RBM44: variants seen among roughly 807,000 people sequenced by gnomAD.
The protein encoded by RBM44 is RNA-binding protein 44.
In RBM44, 66 loss-of-function variants were observed where a neutral mutation model predicts 105.1. The ratio of observed to expected loss-of-function variants is 0.63; its 90% CI spans 0.52 to 0.77. The LOEUF is 0.77. Ranked by LOEUF, RBM44 falls within the 30% of genes least tolerant of loss-of-function variation. RBM44 has a pLI of 0.00. For synonymous variants in RBM44, 365 were observed against 417.6 expected, an observed-to-expected ratio of 0.87 and a Z score of 1.54; for missense variants, 1,122 against 1,207.8, an observed-to-expected ratio of 0.93 and a Z score of 1.05.
intron 2 of RBM44, 123 bp downstream of exon 2, chr2:237,813,805 CA>C: frequency 1.6e-6 from 1 of 629,906 alleles, no homozygotes; most frequent in South Asian, 2.0e-5. Context: ...TGGTAAGACT[CA>C]GTATATTTTT....
At chr2:237,815,078 G>A (rs891579339) in intron 2 of RBM44, among the ~76,000 whole-genome samples, 3 of 152,142 alleles carry the variant, frequency 2.0e-5, no homozygotes, top group African/African-American at 7.2e-5. Context: ...AGCTACTTGG[G>A]TGGCTGAGGC....
chr2:237,822,904 A>C (rs941329569), intron 8 of RBM44, among the ~76,000 whole-genome samples: 1 of 151,976 alleles, frequency 6.6e-6, no homozygotes, highest in Non-Finnish European at 1.5e-5. Context: ...TCAGCTACTC[A>C]TGTACCATCT....
At chr2:237,835,931 G>A (rs1350839776) in intron 15 of RBM44, among the ~76,000 whole-genome samples, 2 of 152,110 alleles carry the variant, frequency 1.3e-5, no homozygotes, top group African/African-American at 2.4e-5. Context: ...TAACAAAAGT[G>A]CAATGTGAAG....
intron 13 of RBM44, among the ~76,000 whole-genome samples, chr2:237,831,757 CTT>C (rs1224615517): frequency 6.6e-6 from 1 of 152,240 alleles, no homozygotes; most frequent in Non-Finnish European, 1.5e-5. Flanking sequence ...CTGCCTTCCT[CTT>C]TACTACTTTA....
intron 15 of RBM44, among the ~76,000 whole-genome samples, chr2:237,840,187 C>CAAAAAA (rs34666443): frequency 9.2e-5 from 6 of 64,890 alleles, no homozygotes; most frequent in East Asian, 4.8e-4. Flanking sequence ...GACTCTATCT[C>CAAAAAA]AAAAAAAAAA....
Position 237,817,762 on chromosome 2 carries a change from T to A in RBM44, c.843T>A (p.Tyr281Ter). The change falls in exon 3 of 16, where the codon TAT (tyrosine) becomes TAA (stop). Residue 281 changes from tyrosine (Y) to a stop codon, truncating the protein, a stop_gained. Coordinates refer to ENST00000316997, the MANE Select transcript of RBM44 (RefSeq NM_001080504.3). LOFTEE classifies it high-confidence loss of function. Reference protein sequence around the residue: ...REYHDLKHEKYKEQETNSMYH... With the variant: ...REYHDLKHEK ...ATCATGACCTAAAGCATGAAAAGTA[T>A]AAGGAACAAGAGACTAATTCAATGT... The A allele has an allele frequency of 6.2e-7, 1 of 1,611,886 alleles. No individual in the cohort carries two copies. Among genetic ancestry groups the A allele is most frequent in the Non-Finnish European group, 8.5e-7 (1 of 1,178,912 alleles).
chr2:237,829,337 T>C lies in RBM44; in HGVS notation c.2721T>C (p.Tyr907=), dbSNP rs750061411. 6.2e-7 allele frequency: 1 copy of C among 1,613,548 alleles called. No homozygotes were observed. The change falls in exon 13 of 16, where the codon TAT becomes TAC. Residue 907 remains tyrosine (Y), a synonymous_variant. Transcript: ENST00000316997. The part of the protein sequence containing the change: ...NVWPVKILGE[Y]TSPLSSKNGN... The stretch of plus-strand genomic sequence containing the variant: ...GGCCTGTTAAAATTCTTGGAGAATA[T>C]ACATCACCACTTTCCTCCAAAAATG...
At position 237,841,269 on chromosome 2, in the gene RBM44, A is replaced by G. The variant is rs1418671652; in HGVS notation, c.*23-570A>G. On this transcript the variant is annotated intron_variant, in intron 15 of 15. Coordinates refer to ENST00000316997, the MANE Select transcript of RBM44 (RefSeq NM_001080504.3). The surrounding 1 kb of genome is among the most constrained non-coding windows in gnomAD (Gnocchi z 4.5). The stretch of plus-strand genomic sequence containing the variant: ...AGAATGAGATGATGTGCTTTGCAGC[A>G]GTATGGATGGAGCTAGAGGCCGTTA... 6.6e-6 allele frequency among the ~76,000 whole-genome samples: 1 copy of G among 152,254 alleles called. No homozygotes were observed. Among genetic ancestry groups the G allele is most frequent in the East Asian group, 1.9e-4 (1 of 5,200 alleles).
At chr2:237,806,029 A>G (rs1341938457) in intron 1 of RBM44, among the ~76,000 whole-genome samples, 1 of 152,166 alleles carries the variant, frequency 6.6e-6, no homozygotes, top group East Asian at 1.9e-4. Context: ...CATAAACTAT[A>G]AAAATCTTAG....
Position 237,813,661 on chromosome 2 carries a change from A to G in RBM44, c.52A>G (p.Asn18Asp). ...ETASGKGYHS[N>D]GGNLQKDKPS... is the part of the protein sequence containing the mutation. ...AGCATCTGGTAAAGGCTACCACAGT[A>G]ATGGAGGCAACCTCCAAAAAGGTAA... The change falls in exon 2 of 16, where the codon AAT (asparagine) becomes GAT (aspartate). Residue 18 changes from asparagine to aspartate, a missense_variant. Around this residue, in one of 3 missense-constraint regions of RBM44, gnomAD observed 918 missense variants for 955.3 expected, o/e 0.96. Transcript: ENST00000316997. 7 of 1,610,230 alleles carry G rather than the reference A, an allele frequency of 4.3e-6. No homozygotes were observed. The highest frequency in any genetic ancestry group is 5.9e-6 in the Non-Finnish European group (7 of 1,176,630).
chr2:237,818,267 T>C lies in RBM44; in HGVS notation c.1348T>C (p.Cys450Arg). 6.2e-7 allele frequency: 1 copy of C among 1,613,196 alleles called. No individual in the cohort carries two copies. The highest frequency in any genetic ancestry group is 8.5e-7 in the Non-Finnish European group (1 of 1,179,434). Residue 450 changes from cysteine to arginine, a missense_variant, in exon 3 of 16, where the codon TGT (cysteine) becomes CGT (arginine). Physicochemically the swap from Cys to Arg is radical, Grantham distance 180. Transcript: ENST00000316997. The surrounding 1 kb of genome is among the most constrained non-coding windows in gnomAD (Gnocchi z 4.6). Reference protein sequence around the residue: ...KTCFHNIGEMCTKSLTDAASC... With the variant: ...KTCFHNIGEMRTKSLTDAASC... ...ATGCTTTCACAATATAGGAGAAATGTGTACTAAATCATTGACAGATGCAGC... is the reference window on the plus strand; with the variant it reads ...ATGCTTTCACAATATAGGAGAAATGCGTACTAAATCATTGACAGATGCAGC...
intron 10 of RBM44, among the ~76,000 whole-genome samples, chr2:237,825,783 C>T (rs985148157): frequency 1.3e-5 from 2 of 152,074 alleles, no homozygotes; most frequent in African/African-American, 4.8e-5. Flanking sequence ...TCTTATTTAC[C>T]CTTTTTTACT....
intron 1 of RBM44, among the ~76,000 whole-genome samples, chr2:237,809,185 T>G (rs1455955778): frequency 1.3e-5 from 2 of 152,182 alleles, no homozygotes; most frequent in African/African-American, 4.8e-5. Context: ...TATAGTTGAC[T>G]CTTTCAAGTC....
At position 237,841,545 on chromosome 2, in the gene RBM44, A is replaced by C. The variant is rs2062011907; in HGVS notation, c.*23-294A>C. ...TAATTTATCTATATCGATATAACGA[A>C]CCTGCACATATGCCCCTGAAACTAA... On this transcript the variant is annotated intron_variant, in intron 15 of 15. Transcript: ENST00000316997. This position sits in a 1 kb window ranked among gnomAD's most constrained non-coding sequence, Gnocchi z 4.5. Among the ~76,000 whole-genome samples the C allele has an allele frequency of 6.6e-6, 1 of 152,234 alleles. No homozygotes were observed. The highest frequency in any genetic ancestry group is 6.5e-5 in the Admixed American group (1 of 15,276).
chr2:237,811,090 C>G (rs181945163), intron 1 of RBM44, among the ~76,000 whole-genome samples: 1 of 152,170 alleles, frequency 6.6e-6, no homozygotes, highest in African/African-American at 2.4e-5. Context: ...AATGACAAGA[C>G]GCAAGCTACC....
chr2:237,803,949 G>T lies in RBM44; in HGVS notation c.-19+5088G>T, dbSNP rs1014483775. Among the ~76,000 whole-genome samples, 7 of 151,096 alleles carry T rather than the reference G, an allele frequency of 4.6e-5. No individual in the cohort carries two copies. The highest frequency in any genetic ancestry group is 2.0e-4 in the Admixed American group (3 of 15,124). On this transcript the variant is annotated intron_variant, in intron 1 of 15. Coordinates refer to ENST00000316997, the MANE Select transcript of RBM44 (RefSeq NM_001080504.3). This position sits in a 1 kb window ranked among gnomAD's most constrained non-coding sequence, Gnocchi z 4.2. Reference sequence around the variant, plus strand: ...GTCACCCAGGCTGGGGTACAGTGGCGCAATCTCAGCTGACTGCAACCTCTG... The same window carrying T: ...GTCACCCAGGCTGGGGTACAGTGGCTCAATCTCAGCTGACTGCAACCTCTG...
rs565340944 is a variant in RBM44, at chr2:237,804,576, T to G, written c.-19+5715T>G. 2.0e-5 allele frequency among the ~76,000 whole-genome samples: 3 copies of G among 152,336 alleles called. No homozygotes were observed. The East Asian group carries it at 5.8e-4, about 29-fold the overall frequency. On this transcript the variant is annotated intron_variant, in intron 1 of 15. Coordinates refer to ENST00000316997, the MANE Select transcript of RBM44 (RefSeq NM_001080504.3). ...ACATTTTTTTATATTTGTTAGCTGC[T>G]CATGTTTTCTCTTGAGACGTGTCTG...
At chr2:237,840,943 A>G (rs887108276) in intron 15 of RBM44, among the ~76,000 whole-genome samples, 4 of 152,232 alleles carry the variant, frequency 2.6e-5, no homozygotes, top group Non-Finnish European at 1.5e-5. Context: ...GGTTGTAGAG[A>G]AAAGGGAATG....
At chr2:237,813,350 T>C (rs1258922172) in intron 1 of RBM44, among the ~76,000 whole-genome samples, 1 of 152,176 alleles carries the variant, frequency 6.6e-6, no homozygotes, top group African/African-American at 2.4e-5. Context: ...AAGTCATTGG[T>C]TTTTAGTAAG....
Sources: gnomAD v4.1 joint callset for allele counts (sites outside exome capture counted in the v4.1 genomes callset) on GRCh38, gnomAD v4.1.1 for gene constraint, gnomAD v4.1.1 regional missense constraint, Gnocchi (gnomAD v3.1) non-coding constraint, MANE v1.5 for transcripts, NCBI Gene and HGNC (gene_info 2026-07-23, HGNC 2026-07-21) for gene names.